HSP90AA1: variants seen among roughly 807,000 people sequenced by gnomAD.
The protein encoded by HSP90AA1 is heat shock protein HSP 90-alpha.
In HSP90AA1, 18 loss-of-function variants were observed where a neutral mutation model predicts 73.3. That is an observed-to-expected ratio of 0.25 (90% confidence interval 0.17 to 0.36). The LOEUF (loss-of-function observed/expected upper bound fraction) is 0.36. HSP90AA1 is among the 10% of genes least tolerant of loss of function. The pLI is 1.00. For missense variants in HSP90AA1, 704 were observed against 874.2 expected (o/e 0.81, Z 2.45); for synonymous variants, 477 against 296.9 (o/e 1.61, Z -6.24).
In HSP90AA1 at chr14:102,108,964, ATTTTTATTGGACAGCTGAAT is replaced by A. The variant is rs1000308373; in HGVS notation, c.156-6899_156-6880del. Among the ~76,000 whole-genome samples, 22 of 152,190 alleles carry A rather than the reference ATTTTTATTGGACAGCTGAAT, an allele frequency of 1.4e-4. 2 individuals are homozygous for A. The highest frequency in any genetic ancestry group is 1.3e-3 in the Admixed American group (20 of 15,290). On this transcript the variant is annotated intron_variant, in intron 1 of 11. Coordinates refer to the HSP90AA1 transcript ENST00000334701. ...TGTGGATTGCATTTCATTTATTTTA[ATTTTTATTGGACAGCTGAAT>A]TTTTTAACTTTTTAAATTAAGGTAT...
upstream of HSP90AA1, among the ~76,000 whole-genome samples, chr14:102,090,400 C>T (rs1417603581): frequency 2.6e-5 from 4 of 152,166 alleles, no homozygotes; most frequent in Non-Finnish European, 5.9e-5. Context: ...TCCACTCCTG[C>T]TTCACCGCCT....
Position 102,082,346 on chromosome 14 carries a change from G to A in HSP90AA1, c.1854C>T (p.Ala618=), listed in dbSNP as rs1243610305. ...ANMERIMKAQ[A]LRDNSTMGYM... ...AACCCATTGTTGAGTTGTCTCTTAG[G>A]GCTTGAGCTTTCATGATTCTCTCCA... The change falls in exon 10 of 11, where the codon GCC becomes GCT. Residue 618 remains alanine, a synonymous_variant. Coordinates refer to ENST00000216281, the MANE Select transcript of HSP90AA1 (RefSeq NM_005348.4). 4.3e-6 allele frequency: 7 copies of A among 1,613,812 alleles called. No individual in the cohort carries two copies. The highest frequency in any genetic ancestry group is 2.7e-5 in the African/African-American group (2 of 74,910).
At position 102,086,132 on chromosome 14, in the gene HSP90AA1, C is replaced by T. The variant is rs2049225297; in HGVS notation, c.163-8G>A. ...CCGGATTTTGTCCAATGCCTGTTAA[C>T]AAAAAATATTAATTTAAGCATACAG... is the stretch of plus-strand genomic sequence containing the variant. On this transcript the variant is annotated splice_region_variant and splice_polypyrimidine_tract_variant and intron_variant, in intron 2 of 10. Transcript: ENST00000216281. The T allele has an allele frequency of 4.3e-6, 7 of 1,613,912 alleles. No homozygotes were observed. Among genetic ancestry groups the T allele is most frequent in the South Asian group, 2.2e-5 (2 of 91,064 alleles).
chr14:102,084,585 T>C (rs757674520), intron 5 of HSP90AA1, 21 bp from the exon 6 acceptor site: 9 of 1,614,152 alleles, frequency 5.6e-6, no homozygotes, highest in Non-Finnish European at 7.6e-6. Flanking sequence ...ACAGATACAC[T>C]AAGTACCAAT....
intron 9 of HSP90AA1, 118 bp downstream of exon 9, chr14:102,082,916 G>T: frequency 9.1e-7 from 1 of 1,094,810 alleles, no homozygotes; most frequent in Non-Finnish European, 1.4e-6. Context: ...ACCGCGCCCA[G>T]CCACACACAA....
At chr14:102,083,353 T>TCA (rs778991549) in intron 8 of HSP90AA1, 51 bp from the exon 9 acceptor site, 8 of 1,596,178 alleles carry the variant, frequency 5.0e-6, no homozygotes, top group Middle Eastern at 1.7e-4. Context: ...AAGAATGGTT[T>TCA]CATCTAGCTC....
chr14:102,086,895 TG>T, intron 1 of HSP90AA1, 90 bp downstream of exon 1: 1 of 753,616 alleles, frequency 1.3e-6, no homozygotes, highest in Non-Finnish European at 1.6e-6. Context: ...TTCAGGGATC[TG>T]GTCCGGCCCC....
Position 102,081,456 on chromosome 14 carries a change from T to C in HSP90AA1, c.*256A>G, listed in dbSNP as rs1312334929. The C allele has an allele frequency of 1.1e-5, 6 of 553,180 alleles. No homozygotes were observed. Among genetic ancestry groups the C allele is most frequent in the South Asian group, 2.1e-5 (1 of 47,476 alleles). The allele number at this position is 553,180 out of a possible 1,614,324, so 34.3% of individuals were successfully genotyped here. ...ACCACAAAGTTAACATCATGTTACA[T>C]ACGTCTTACAGTGCACGTTACCCCA... On this transcript the variant is annotated 3_prime_UTR_variant, in exon 11 of 11. Coordinates refer to ENST00000216281, the MANE Select transcript of HSP90AA1 (RefSeq NM_005348.4).
At chr14:102,083,732 T>TAAAAAAAAAAAAAAAAAA in intron 7 of HSP90AA1, 39 bp from the exon 8 acceptor site, 1 of 1,400,550 alleles carries the variant, frequency 7.1e-7, no homozygotes, top group African/African-American at 1.6e-5. Flanking sequence ...CTTTCTGAAT[T>TAAAAAAAAAAAAAAAAAA]AAAAAAAAAA....
At chr14:102,130,190 C>T (rs1379020650) in intron 1 of HSP90AA1, among the ~76,000 whole-genome samples, 2 of 152,052 alleles carry the variant, frequency 1.3e-5, no homozygotes, top group South Asian at 2.1e-4. Flanking sequence ...AGGCTGGTCT[C>T]GAACTCCTGA....
In HSP90AA1 at chr14:102,086,198, G is replaced by A. The variant is rs1221298280; in HGVS notation, c.162+19C>T. ...CACACTGAAACCAAAATCCGATTCT[G>A]GGTTAATAAGTGACTTACATCTGAT... On this transcript the variant is annotated intron_variant, in intron 2 of 10. Transcript: ENST00000216281. 5.6e-6 allele frequency: 9 copies of A among 1,613,994 alleles called. No individual in the cohort carries two copies. In the South Asian group the frequency reaches 6.6e-5, roughly 12 times the overall value.
chr14:102,125,355 T>G (rs28599481), intron 1 of HSP90AA1, among the ~76,000 whole-genome samples: 5,252 of 152,276 alleles, frequency 0.034, 245 homozygotes, highest in African/African-American at 0.1. Context: ...CAGTTGATAA[T>G]TCTTGCAATG....
chr14:102,096,895 T>G (rs992490836), intron 2 of HSP90AA1, among the ~76,000 whole-genome samples: 2 of 152,216 alleles, frequency 1.3e-5, no homozygotes, highest in African/African-American at 4.8e-5. Context: ...ACCTCCAGTA[T>G]AGATCACCAT....
chr14:102,111,471 C>T (rs117262590), intron 1 of HSP90AA1, among the ~76,000 whole-genome samples: 3,335 of 152,318 alleles, frequency 0.022, 77 homozygotes, highest in South Asian at 0.1. Context: ...GAACCTCTGC[C>T]TAGATTTCCC....
chr14:102,139,636 C>T (rs2050208632), exon 1 of HSP90AA1: 8 of 643,560 alleles, frequency 1.2e-5, no homozygotes, highest in Admixed American at 3.0e-5. Flanking sequence ...ACCCCACTAG[C>T]TGAAGCCGGC....
chr14:102,089,999 C>T (rs1001251967), upstream of HSP90AA1, among the ~76,000 whole-genome samples: 2 of 152,174 alleles, frequency 1.3e-5, no homozygotes, highest in Non-Finnish European at 1.5e-5. Flanking sequence ...TCCCTCCTCC[C>T]CACCCTCTGC....
chr14:102,135,304 G>A lies in HSP90AA1; in HGVS notation c.155+3946C>T, dbSNP rs2049975062. 2.7e-5 allele frequency among the ~76,000 whole-genome samples: 4 copies of A among 148,852 alleles called. No homozygotes were observed. The South Asian group carries it at 6.3e-4, about 24-fold the overall frequency. ...AACCTTGAGCTAGATACAGAGTGCC[G>A]ACTGGTGTATTTACAATCCCTGAGC... On this transcript the variant is annotated intron_variant, in intron 1 of 11. Coordinates refer to the HSP90AA1 transcript ENST00000334701.
intron 1 of HSP90AA1, among the ~76,000 whole-genome samples, chr14:102,138,089 T>C (rs1566741268): frequency 6.6e-6 from 1 of 151,872 alleles, no homozygotes; most frequent in African/African-American, 2.4e-5. Flanking sequence ...TATAATAAAA[T>C]GTTGAATTTA....
chr14:102,134,892 C>A (rs557920370), intron 1 of HSP90AA1, among the ~76,000 whole-genome samples: 85 of 152,324 alleles, frequency 5.6e-4, no homozygotes, highest in Middle Eastern at 6.8e-3. Flanking sequence ...CCACCCACAT[C>A]CTGCTGATTG....
Sources: allele counts gnomAD v4.1 joint callset (sites outside exome capture counted in the v4.1 genomes callset), GRCh38; gene constraint gnomAD v4.1.1; transcripts MANE v1.5; gene names NCBI Gene and HGNC (gene_info 2026-07-23, HGNC 2026-07-21).